The following TAB2 variants were observed in gnomAD, a reference collection of about 807,000 sequenced individuals.
TAB2 encodes TGF-beta activated kinase 1 (MAP3K7) binding protein 2, also known as TGF-beta-activated kinase 1 and MAP3K7-binding protein 2.
Under a neutral mutation model 65.0 loss-of-function variants are expected in TAB2, and 3 were observed. The ratio of observed to expected loss-of-function variants is 0.05; its 90% confidence interval spans 0.02 to 0.12. The LOEUF (loss-of-function observed/expected upper bound fraction) is 0.12. Among genes scored for constraint, TAB2 ranks in the 10% least tolerant of loss-of-function variants. The pLI is 1.00. For synonymous variants in TAB2, 298 were observed against 285.1 expected (o/e 1.05, Z -0.46); for missense variants, 623 against 840.3 (o/e 0.74, Z 3.20).
Position 149,355,596 on chromosome 6 carries a change from G to T in TAB2, c.-89-14313G>T, listed in dbSNP as rs548774559. The stretch of plus-strand genomic sequence containing the variant: ...ACAGGAGAATCGCTTGAACCCAGGA[G>T]GTGGAGGTTGCAATGAGTCGAGGTC... On this transcript the variant is annotated intron_variant, in intron 1 of 6. Coordinates refer to ENST00000637181, the MANE Select transcript of TAB2 (RefSeq NM_001292034.3). Among the ~76,000 whole-genome samples, 30 of 151,546 alleles carry T rather than the reference G, an allele frequency of 2.0e-4. 1 individual carries two copies. The highest frequency in any genetic ancestry group is 3.4e-3 in the Middle Eastern group (1 of 292).
chr6:149,400,146 T>C (rs1782322257), intron 6 of TAB2: 1 of 527,310 alleles, frequency 1.9e-6, no homozygotes, highest in Non-Finnish European at 3.3e-6. Flanking sequence ...TGGATTAAAC[T>C]CACCACTCAC....
At chr6:149,342,999 CT>C (rs1763466916) in intron 1 of TAB2, among the ~76,000 whole-genome samples, 1 of 151,996 alleles carries the variant, frequency 6.6e-6, no homozygotes, top group African/African-American at 2.4e-5. Flanking sequence ...TTTAACATAC[CT>C]TTTGCCTGAA....
rs1782219192 is a variant in TAB2 at position 149,397,693 on chromosome 6, G to A, written c.1693G>A (p.Val565Ile). 6.2e-7 allele frequency: 1 copy of A among 1,613,860 alleles called. No homozygotes were observed. Among genetic ancestry groups the A allele is most frequent in the Non-Finnish European group, 8.5e-7 (1 of 1,179,970 alleles). ...KKKLDKLKSE[V>I]NEMENNLTRR... ...AAAGCTGGATAAATTAAAATCTGAGGTTAATGAAATGGAAAATAATCTAAC... is the reference window on the plus strand; with the variant it reads ...AAAGCTGGATAAATTAAAATCTGAGATTAATGAAATGGAAAATAATCTAAC... Residue 565 changes from valine to isoleucine, a missense_variant, in exon 4 of 7, where the codon GTT (valine) becomes ATT (isoleucine). By Grantham distance (29) the Val-to-Ile change is conservative. This residue lies in a region of TAB2 where 550 missense variants were observed against 665.7 expected (regional missense o/e 0.83). Transcript: ENST00000637181.
intron 6 of TAB2, among the ~76,000 whole-genome samples, chr6:149,402,651 C>CA (rs1457933609): frequency 1.3e-5 from 2 of 152,144 alleles, no homozygotes; most frequent in Non-Finnish European, 2.9e-5. Flanking sequence ...ACCCTGGTAC[C>CA]AAAACCAGAC....
intron 1 of TAB2, among the ~76,000 whole-genome samples, chr6:149,281,260 A>G (rs1457947953): frequency 6.6e-6 from 1 of 152,166 alleles, no homozygotes; most frequent in East Asian, 1.9e-4. Flanking sequence ...AAATGGAAGT[A>G]CATTATTGTA....
At chr6:149,322,667 A>G (rs553458889) in intron 1 of TAB2, among the ~76,000 whole-genome samples, 234 of 152,322 alleles carry the variant, frequency 1.5e-3, no homozygotes, top group Non-Finnish European at 2.8e-3. Flanking sequence ...ATTGTGTCGT[A>G]TGTTGTTGAA....
chr6:149,347,677 A>G (rs928358571), intron 1 of TAB2, among the ~76,000 whole-genome samples: 8 of 152,150 alleles, frequency 5.3e-5, no homozygotes, highest in Non-Finnish European at 2.9e-5. Context: ...TTGCCTTGAT[A>G]GAATTGTAAC....
intron 1 of TAB2, among the ~76,000 whole-genome samples, chr6:149,226,388 G>A (rs934462517): frequency 1.3e-5 from 2 of 152,210 alleles, no homozygotes; most frequent in East Asian, 3.9e-4. Flanking sequence ...GAGTCTGTCT[G>A]TCCATGCATA....
At chr6:149,311,520 G>A (rs1178990451) in intron 1 of TAB2, among the ~76,000 whole-genome samples, 1 of 152,172 alleles carries the variant, frequency 6.6e-6, no homozygotes, top group Non-Finnish European at 1.5e-5. Flanking sequence ...CCAGTGTATG[G>A]GGTCAGAAGA....
rs538107329 is a variant in TAB2, at chr6:149,220,269, A to G, written c.-121+1493A>G. 2.4e-3 allele frequency among the ~76,000 whole-genome samples: 363 copies of G among 152,356 alleles called. 1 individual carries two copies. The highest frequency in any genetic ancestry group is 8.4e-3 in the African/African-American group (350 of 41,588). ...ATAAACCTTTCAGATACTTGTGGAT[A>G]TCCTTCTTTAATGCCATTCAAAAAC... On this transcript the variant is annotated intron_variant, in intron 1 of 1. Coordinates refer to the TAB2 transcript ENST00000606202.
chr6:149,401,709 A>G (rs1041837063), intron 6 of TAB2, among the ~76,000 whole-genome samples: 3 of 152,162 alleles, frequency 2.0e-5, no homozygotes, highest in East Asian at 1.9e-4. Context: ...AGGATAGATC[A>G]TATGTTAGTT....
intron 6 of TAB2, among the ~76,000 whole-genome samples, chr6:149,404,976 TCC>T (rs1782614350): frequency 6.6e-6 from 1 of 152,150 alleles, no homozygotes; most frequent in African/African-American, 2.4e-5. Context: ...TGAAAAGGCA[TCC>T]TTCAGAAAGG....
chr6:149,346,357 A>G (rs1780299775), intron 1 of TAB2: 1 of 152,364 alleles, frequency 6.6e-6, no homozygotes, highest in Non-Finnish European at 1.5e-5. Flanking sequence ...CATTAGAAAG[A>G]AAATGAGCAG....
At chr6:149,285,591 CA>C (rs1393336914) in intron 1 of TAB2, among the ~76,000 whole-genome samples, 1 of 152,232 alleles carries the variant, frequency 6.6e-6, no homozygotes, top group Non-Finnish European at 1.5e-5. Flanking sequence ...GTGATACTTA[CA>C]TACCCTCTTT....
upstream of TAB2, among the ~76,000 whole-genome samples, chr6:149,314,865 C>CTTTT (rs57785399): frequency 7.0e-6 from 1 of 143,318 alleles, no homozygotes; most frequent in Non-Finnish European, 1.5e-5. Context: ...GGAACTATAT[C>CTTTT]TTTTTTTTTT....
At chr6:149,357,573 C>T (rs1430116107) in intron 1 of TAB2, among the ~76,000 whole-genome samples, 3 of 152,030 alleles carry the variant, frequency 2.0e-5, no homozygotes, top group Non-Finnish European at 2.9e-5. Flanking sequence ...CCCCCTTGAA[C>T]GGTGTTAATG....
intron 1 of TAB2, among the ~76,000 whole-genome samples, chr6:149,325,162 C>G (rs985993015): frequency 2.6e-5 from 4 of 152,078 alleles, no homozygotes; most frequent in Admixed American, 2.6e-4. Flanking sequence ...CAGATGAGCC[C>G]AAGTTCAAAC....
chr6:149,254,145 GAAAGA>G (rs1777954834), intron 1 of TAB2, among the ~76,000 whole-genome samples: 4 of 144,382 alleles, frequency 2.8e-5, no homozygotes, highest in African/African-American at 1.0e-4. Context: ...GAAAGGAAAG[GAAAGA>G]AAAGGAAAGG....
intron 1 of TAB2, among the ~76,000 whole-genome samples, chr6:149,237,444 G>C (rs1484957295): frequency 6.6e-6 from 1 of 152,154 alleles, no homozygotes; most frequent in Non-Finnish European, 1.5e-5. Flanking sequence ...CTCACCCTGA[G>C]AGGCATTGCA....
Sources: gnomAD v4.1 joint callset for allele counts (sites outside exome capture counted in the v4.1 genomes callset) on GRCh38, gnomAD v4.1.1 for gene constraint, gnomAD v4.1.1 regional missense constraint, MANE v1.5 for transcripts, NCBI Gene and HGNC (gene_info 2026-07-23, HGNC 2026-07-21) for gene names.